PNLDC1: variants seen among roughly 807,000 people sequenced by gnomAD.
PNLDC1 encodes the protein poly(A)-specific ribonuclease PNLDC1.
Under a neutral mutation model 82.0 loss-of-function variants are expected in PNLDC1, and 70 were observed. The ratio of observed to expected loss-of-function variants is 0.85; its 90% CI spans 0.70 to 1.04. The LOEUF (loss-of-function observed/expected upper bound fraction) is 1.04. Among genes scored for constraint, PNLDC1 ranks in the 50% least tolerant of loss-of-function variants. The pLI is 0.00. For missense variants in PNLDC1, 631 were observed against 661.1 expected (o/e 0.95, Z 0.50); for synonymous variants, 280 against 249.3 (o/e 1.12, Z -1.16).
chr6:159,807,530 A>G (rs541705315), intron 7 of PNLDC1, among the ~76,000 whole-genome samples: 5 of 152,360 alleles, frequency 3.3e-5, no homozygotes, highest in African/African-American at 1.2e-4. Context: ...TCCCAGTACC[A>G]CAACCTTTCT....
At position 159,815,983 on chromosome 6, in the gene PNLDC1, C is replaced by T; in HGVS notation, c.1010C>T (p.Thr337Ile). 1.2e-6 allele frequency: 2 copies of T among 1,613,418 alleles called. No homozygotes were observed. The highest frequency in any genetic ancestry group is 8.5e-7 in the Non-Finnish European group (1 of 1,179,672). Residue 337 changes from threonine (T) to isoleucine (I), a missense_variant, in exon 13 of 19, where the codon ACC (threonine) becomes ATC (isoleucine). Thr to Ile is a moderately conservative substitution (Grantham distance 89). Coordinates refer to ENST00000392167, the MANE Select transcript of PNLDC1 (RefSeq NM_001271862.2). ...TTTTCCAATAGTGACTTGAATCCCA[C>T]CAAGAATTCTGGACCAGAGATTGTT... ...YEVLNSDLNP[T>I]KNSGPEIVHA...
In PNLDC1 at chr6:159,816,037, C is replaced by T. The variant is rs774317450; in HGVS notation, c.1060+4C>T. ...GCGAGCAGGTGTGAGAAATATGGTA[C>T]GTTCCCATGAGCCCATAATCCTTGC... On this transcript the variant is annotated splice_donor_region_variant and intron_variant, in intron 13 of 18. Transcript: ENST00000392167. 2.0e-5 allele frequency: 32 copies of T among 1,611,580 alleles called. No individual in the cohort carries two copies. Among genetic ancestry groups the T allele is most frequent in the East Asian group, 1.3e-4 (6 of 44,822 alleles).
At chr6:159,809,366 C>G (rs565308314) in intron 9 of PNLDC1, among the ~76,000 whole-genome samples, 2 of 152,126 alleles carry the variant, frequency 1.3e-5, no homozygotes, top group Non-Finnish European at 2.9e-5. Flanking sequence ...TTCACTGCAG[C>G]CTTGACCTCC....
At position 159,809,013 on chromosome 6, in the gene PNLDC1, A is replaced by G. The variant is rs763048743; in HGVS notation, c.640-2A>G. The G allele has an allele frequency of 2.5e-6, 4 of 1,611,608 alleles. No individual in the cohort carries two copies. The highest frequency in any genetic ancestry group is 3.4e-6 in the Non-Finnish European group (4 of 1,179,180). ...TTCAGGGAATTTGTCCCTGCTTTTC[A>G]GGTGGTAGTGAAGAAAGTGAGTAAA... On this transcript the variant is annotated splice_acceptor_variant, in intron 8 of 18. Transcript: ENST00000392167. LOFTEE classifies it high-confidence loss of function.
chr6:159,820,581 T>C lies in PNLDC1; in HGVS notation c.*64T>C. On this transcript the variant is annotated 3_prime_UTR_variant, in exon 19 of 19. Coordinates refer to ENST00000392167, the MANE Select transcript of PNLDC1 (RefSeq NM_001271862.2). Reference sequence around the variant, plus strand: ...TGCTCTCTGGGAGGTGTGCTGGGTGTGTTCGTGTAAATCAGATTCTGTTTG... The same window carrying C: ...TGCTCTCTGGGAGGTGTGCTGGGTGCGTTCGTGTAAATCAGATTCTGTTTG... 6.8e-7 allele frequency: 1 copy of C among 1,478,020 alleles called. No individual in the cohort carries two copies. 91.6% of individuals were successfully genotyped at this position (1,478,020 alleles called of 1,614,324 possible). A position where few individuals can be genotyped will look rare whatever the true frequency, so the allele number is the denominator to read the frequency against.
chr6:159,817,968 C>T (rs376036790), intron 15 of PNLDC1, among the ~76,000 whole-genome samples: 1 of 152,224 alleles, frequency 6.6e-6, no homozygotes, highest in African/African-American at 2.4e-5. Context: ...GTTAAAGGGC[C>T]CCCTGGTAAG....
intron 12 of PNLDC1, among the ~76,000 whole-genome samples, chr6:159,815,007 C>T (rs998915172): frequency 6.6e-6 from 1 of 152,202 alleles, no homozygotes. Flanking sequence ...AGGCTAAGCA[C>T]GTGAGGTTCC....
chr6:159,808,460 A>T (rs1781526489), intron 7 of PNLDC1, among the ~76,000 whole-genome samples: 1 of 151,988 alleles, frequency 6.6e-6, no homozygotes, highest in Admixed American at 6.6e-5. Context: ...TAACATGTTT[A>T]ATATCAATAG....
In PNLDC1 at chr6:159,819,377, G is replaced by C. The variant is rs1386292194; in HGVS notation, c.1532+25G>C. The C allele has an allele frequency of 6.2e-7, 1 of 1,605,632 alleles. No homozygotes were observed. On this transcript the variant is annotated intron_variant, in intron 18 of 18. Coordinates refer to ENST00000392167, the MANE Select transcript of PNLDC1 (RefSeq NM_001271862.2). This position sits in a 1 kb window ranked among gnomAD's most constrained non-coding sequence, Gnocchi z 4.6. The stretch of plus-strand genomic sequence containing the variant: ...AGTAAGTGACAGGCTGAGGCCACCT[G>C]CCTGTCCTGGGGTCCTGGAGTGCCC...
intron 7 of PNLDC1, among the ~76,000 whole-genome samples, chr6:159,808,293 C>G (rs1261995287): frequency 6.6e-6 from 1 of 152,158 alleles, no homozygotes; most frequent in Admixed American, 6.5e-5. Flanking sequence ...ACATTCCAGC[C>G]AAATATTAGA....
At position 159,820,669 on chromosome 6, in the gene PNLDC1, A is replaced by G. The variant is rs1782010768; in HGVS notation, c.*152A>G. ...ATGTCCTGAACGTGAAATTCTGTCA[A>G]CACTCTCAATGATAAATCAGTCCTT... On this transcript the variant is annotated 3_prime_UTR_variant, in exon 19 of 19. Transcript: ENST00000392167. 6 of 703,154 alleles carry G rather than the reference A, an allele frequency of 8.5e-6. No homozygotes were observed. Among genetic ancestry groups the G allele is most frequent in the Admixed American group, 6.8e-5 (3 of 43,898 alleles). 43.6% of individuals were successfully genotyped at this position (703,154 alleles called of 1,614,324 possible).
intron 6 of PNLDC1, 138 bp from the exon 7 acceptor site, chr6:159,805,845 C>A: frequency 1.5e-6 from 1 of 656,886 alleles, no homozygotes; most frequent in Non-Finnish European, 2.8e-6. Context: ...GAGAAGAAAT[C>A]GTCTTCTTTT....
At position 159,820,442 on chromosome 6, in the gene PNLDC1, A is replaced by G. The variant is rs757031911; in HGVS notation, c.1533-12A>G. ...GGTGCCCCGGCCACTGACACGTGTC[A>G]TTGTCTTGCAGAGTCTGTGGCATAG... On this transcript the variant is annotated splice_polypyrimidine_tract_variant and intron_variant, in intron 18 of 18. Transcript: ENST00000392167. 3.2e-5 allele frequency: 51 copies of G among 1,613,814 alleles called. No homozygotes were observed. In the South Asian group the frequency reaches 5.4e-4, roughly 17 times the overall value.
intron 13 of PNLDC1, 137 bp downstream of exon 13, chr6:159,816,170 T>TCCCCTCCCCCCCGCCACA (rs1781819101): frequency 1.3e-5 from 2 of 155,188 alleles, no homozygotes; most frequent in African/African-American, 8.9e-5. Context: ...CCCACACCCC[T>TCCCCTCCCCCCCGCCACA]CCCCTCCCCC....
chr6:159,800,800 T>A lies in PNLDC1; in HGVS notation c.105T>A (p.Arg35=). The A allele has an allele frequency of 6.2e-7, 1 of 1,614,182 alleles. No individual in the cohort carries two copies. ...VGLDIEFTGL[R]SNLSGPQQIS... ...TGGACATAGAGTTCACGGGCCTTCG[T>A]TCTAACCTGTCTGGGCCCCAGCAGA... Residue 35 remains arginine, a synonymous_variant, in exon 2 of 19, where the codon CGT becomes CGA. Transcript: ENST00000392167.
chr6:159,817,064 C>T (rs746115508), intron 14 of PNLDC1, 45 bp from the exon 15 acceptor site: 3 of 1,561,642 alleles, frequency 1.9e-6, no homozygotes, highest in Non-Finnish European at 2.6e-6. Context: ...TAAGCATGCA[C>T]ATTTTGATAA....
chr6:159,811,469 G>A (rs111442951), intron 10 of PNLDC1, among the ~76,000 whole-genome samples: 2 of 152,280 alleles, frequency 1.3e-5, no homozygotes, highest in African/African-American at 4.8e-5. Context: ...GCAATAGAAT[G>A]CATCCTGAAT....
chr6:159,806,250 G>A (rs1047479912), intron 7 of PNLDC1, among the ~76,000 whole-genome samples, 167 bp downstream of exon 7: 7 of 152,230 alleles, frequency 4.6e-5, no homozygotes, highest in African/African-American at 1.7e-4. Context: ...TGTGGTTAAA[G>A]TTCTGACCTG....
Position 159,800,298 on chromosome 6 carries a change from C to T in PNLDC1, c.-10C>T. ...GATAGCGCTGGGCGACTCCGCGGAGCTGCACGGCCATGGACGTGGGCGCCG... is the reference window on the plus strand; with the variant it reads ...GATAGCGCTGGGCGACTCCGCGGAGTTGCACGGCCATGGACGTGGGCGCCG... On this transcript the variant is annotated 5_prime_UTR_variant, in exon 1 of 19. Transcript: ENST00000392167. 3 of 1,545,130 alleles carry T rather than the reference C, an allele frequency of 1.9e-6. No individual in the cohort carries two copies. Among genetic ancestry groups the T allele is most frequent in the Non-Finnish European group, 2.6e-6 (3 of 1,144,342 alleles).
Sources: gnomAD v4.1 joint callset for allele counts (sites outside exome capture counted in the v4.1 genomes callset) on GRCh38, gnomAD v4.1.1 for gene constraint, Gnocchi (gnomAD v3.1) non-coding constraint, MANE v1.5 for transcripts, NCBI Gene and HGNC (gene_info 2026-07-23, HGNC 2026-07-21) for gene names.